Variants in ARRB2 observed in about 807,000 individuals in gnomAD.
The protein encoded by ARRB2 is beta-arrestin-2.
ARRB2 carries 21 observed loss-of-function variants against 53.4 expected under a neutral mutation model. The ratio of observed to expected loss-of-function variants is 0.39; its 90% CI spans 0.28 to 0.57. The LOEUF is 0.57. ARRB2 is among the 20% of genes least tolerant of loss of function. The pLI is 0.55. For synonymous variants in ARRB2, 180 were observed against 212.9 expected (o/e 0.85, Z 1.34); for missense variants, 369 against 527.5 (o/e 0.70, Z 2.94).
At position 4,717,342 on chromosome 17, in the gene ARRB2, A is replaced by C; in HGVS notation, c.417+66A>C. 1 of 1,573,542 alleles carries C rather than the reference A, an allele frequency of 6.4e-7. No homozygotes were observed. The highest frequency in any genetic ancestry group is 8.7e-7 in the Non-Finnish European group (1 of 1,143,484). ...TGGGCCAGCAGGAGCCTGGAGGCAC[A>C]GCTGAGCCAGAGGGTGAACTGTCGA... On this transcript the variant is annotated intron_variant, in intron 6 of 14. Coordinates refer to ENST00000269260, the MANE Select transcript of ARRB2 (RefSeq NM_004313.4). This position sits in a 1 kb window ranked among gnomAD's most constrained non-coding sequence, Gnocchi z 6.0.
Position 4,720,393 on chromosome 17 carries a change from G to C in ARRB2, c.1002G>C (p.Gly334=). The change falls in exon 13 of 15, where the codon GGG becomes GGC. Residue 334 remains glycine, a splice_region_variant and synonymous_variant. Transcript: ENST00000269260. ...TCACGATGCCTCTCCCCTTCCCCAG[G>C]GATGTCTCTGTGGAGCTGCCTTTTG... is the stretch of plus-strand genomic sequence containing the variant. ...VKVKLVVSRG[G]DVSVELPFVL... is the part of the protein sequence containing the mutation. 1 of 1,613,678 alleles carries C rather than the reference G, an allele frequency of 6.2e-7. No homozygotes were observed. The highest frequency in any genetic ancestry group is 8.5e-7 in the Non-Finnish European group (1 of 1,179,864).
rs1914984389 is a variant in ARRB2, at chr17:4,715,988, G to C, written c.70G>C (p.Gly24Arg). Residue 24 changes from glycine (G) to arginine (R), a missense_variant, in exon 3 of 15, where the codon GGC becomes CGC. Gly to Arg is a moderately radical substitution (Grantham distance 125). Coordinates refer to ENST00000269260, the MANE Select transcript of ARRB2 (RefSeq NM_004313.4). ...ACATCCTCAGCTCACCGTGTACTTG[G>C]GCAAGCGGGACTTCGTAGATCACCT... ...SPNCKLTVYL[G>R]KRDFVDHLDK... The C allele has an allele frequency of 6.2e-7, 1 of 1,614,066 alleles. No homozygotes were observed. The highest frequency in any genetic ancestry group is 1.3e-5 in the African/African-American group (1 of 74,922).
At chr17:4,715,486 G>GACACACAC (rs751919519) in intron 2 of ARRB2, 9,840 of 133,402 alleles carry the variant, frequency 0.074, 576 homozygotes, top group Non-Finnish European at 0.1. Context: ...CACACACACA[G>GACACACAC]ACACACACAC....
In ARRB2 at chr17:4,715,180, G is replaced by A. The variant is rs143980966; in HGVS notation, c.54+137G>A. ...CCACTTCCTGTGACAGCTAAGCGCC[G>A]ACTTCCTTCCCTCCTGAAGCCCCTT... On this transcript the variant is annotated intron_variant, in intron 2 of 14. Coordinates refer to ENST00000269260, the MANE Select transcript of ARRB2 (RefSeq NM_004313.4). The A allele has an allele frequency of 5.8e-4, 587 of 1,020,752 alleles. 3 individuals are homozygous for A. The African/African-American group carries it at 8.5e-3, about 15-fold the overall frequency. 63.2% of individuals were successfully genotyped at this position (1,020,752 alleles called of 1,614,324 possible). A position where few individuals can be genotyped will look rare whatever the true frequency, so the allele number is the denominator to read the frequency against.
chr17:4,719,496 A>AG, intron 11 of ARRB2, 76 bp downstream of exon 11: 2 of 1,560,196 alleles, frequency 1.3e-6, no homozygotes, highest in South Asian at 2.4e-5. Context: ...CTAGTGTGCC[A>AG]GGGATGTATC....
intron 5 of ARRB2, 142 bp downstream of exon 5, chr17:4,716,750 G>A: frequency 7.1e-7 from 1 of 1,413,478 alleles, no homozygotes; most frequent in Non-Finnish European, 9.3e-7. Context: ...GGGTCCCAGT[G>A]CATTCAGGAA....
chr17:4,716,061 G>A (rs567769531), intron 3 of ARRB2, 28 bp downstream of exon 3: 15 of 1,614,136 alleles, frequency 9.3e-6, no homozygotes, highest in African/African-American at 4.0e-5. Flanking sequence ...GGGACAGCTC[G>A]TTCCCCAAGA....
rs746479111 is a variant in ARRB2, at chr17:4,715,059, A to G, written c.54+16A>G. On this transcript the variant is annotated intron_variant, in intron 2 of 14. Transcript: ENST00000269260. The stretch of plus-strand genomic sequence containing the variant: ...TAACTGCAAGGTGAGTCTCCACAGC[A>G]CTTACCCTTTTGACCCTCCCTGGGC... 6 of 1,604,714 alleles carry G rather than the reference A, an allele frequency of 3.7e-6. No individual in the cohort carries two copies. In the East Asian group the frequency reaches 1.1e-4, roughly 30 times the overall value.
At chr17:4,716,896 A>C (rs1297536000) in intron 5 of ARRB2, 13 of 623,230 alleles carry the variant, frequency 2.1e-5, no homozygotes, top group Non-Finnish European at 8.3e-6. Context: ...GTGCAGTGGC[A>C]CAATCTTGGT....
rs35741745 is a variant in ARRB2, at chr17:4,717,602, A to G, written c.418-83A>G. The stretch of plus-strand genomic sequence containing the variant: ...ACAATGAGGCAAGAGTCCCTGCCCG[A>G]GAGGAGGGAAGGGGGAGGAAGAAAG... On this transcript the variant is annotated intron_variant, in intron 6 of 14. Transcript: ENST00000269260. The surrounding 1 kb of genome is among the most constrained non-coding windows in gnomAD (Gnocchi z 6.0). 0.21 allele frequency: 319,619 copies of G among 1,554,282 alleles called. 36,611 individuals are homozygous for G. The highest frequency in any genetic ancestry group is 0.24 in the Non-Finnish European group (271,960 of 1,128,344).
chr17:4,719,417 C>A lies in ARRB2; in HGVS notation c.914C>A (p.Thr305Asn). ...KHEDTNLASS[T>N]IVKEGANKEV... ...GAGGACACCAACCTGGCTTCCAGCA[C>A]CATGTGAGGGTGGGGCTGGGGCGGG... The change falls in exon 11 of 15, where the codon ACC becomes AAC. Residue 305 changes from threonine (T) to asparagine (N), a missense_variant. Thr to Asn is a moderately conservative substitution (Grantham distance 65). Transcript: ENST00000269260. The A allele has an allele frequency of 6.2e-7, 1 of 1,613,768 alleles. No individual in the cohort carries two copies. The highest frequency in any genetic ancestry group is 8.5e-7 in the Non-Finnish European group (1 of 1,179,766).
rs746331162 is a variant in ARRB2, at chr17:4,718,646, C to T, written c.741C>T (p.Thr247=). 7 of 1,613,866 alleles carry T rather than the reference C, an allele frequency of 4.3e-6. No individual in the cohort carries two copies. Among genetic ancestry groups the T allele is most frequent in the South Asian group, 3.3e-5 (3 of 91,082 alleles). The stretch of plus-strand genomic sequence containing the variant: ...ACGCCGACATCTGCCTCTTCAGCAC[C>T]GCCCAGTACAAGTGTCCTGTGGCTC... ...RQYADICLFS[T]AQYKCPVAQL... The change falls in exon 10 of 15, where the codon ACC becomes ACT. Residue 247 remains threonine, a synonymous_variant. Transcript: ENST00000269260.
rs767592053 is a variant in ARRB2, at chr17:4,718,003, G to A, written c.601G>A (p.Glu201Lys). 3.7e-6 allele frequency: 6 copies of A among 1,613,470 alleles called. No homozygotes were observed. Among genetic ancestry groups the A allele is most frequent in the South Asian group, 2.2e-5 (2 of 91,078 alleles). ...CATGTCTGACCGGTCCCTGCACCTC[G>A]AGGCTTCCCTGGACAAGGAGGTGGG... The part of the protein sequence containing the change: ...FLMSDRSLHL[E>K]ASLDKELYYH... Residue 201 changes from glutamate (E) to lysine (K), a missense_variant, in exon 8 of 15, where the codon GAG becomes AAG. Transcript: ENST00000269260.
At chr17:4,720,873 G>A in intron 14 of ARRB2, 73 bp from the exon 15 acceptor site, 1 of 1,482,600 alleles carries the variant, frequency 6.7e-7, no homozygotes. Context: ...CTAGCTTCGG[G>A]GAGGGCAGGG....
At position 4,717,654 on chromosome 17, in the gene ARRB2, G is replaced by A. The variant is rs1211159326; in HGVS notation, c.418-31G>A. ...GCAGTGATGGTGGCGGGAGCCTCCG[G>A]TAAGATGTGGCCTTTTCTCCCCTCC... On this transcript the variant is annotated intron_variant, in intron 6 of 14. Transcript: ENST00000269260. The surrounding 1 kb of genome is among the most constrained non-coding windows in gnomAD (Gnocchi z 6.0). 2.5e-6 allele frequency: 4 copies of A among 1,613,704 alleles called. No individual in the cohort carries two copies. In the African/African-American group the frequency reaches 5.3e-5, roughly 22 times the overall value.
chr17:4,715,279 AGAG>A, intron 2 of ARRB2: 1 of 549,584 alleles, frequency 1.8e-6, no homozygotes, highest in East Asian at 3.1e-5. Flanking sequence ...GCAAGACCAC[AGAG>A]GAGGAGGCCA....
At chr17:4,720,532 G>C in intron 13 of ARRB2, 54 bp from the exon 14 acceptor site, 1 of 1,582,170 alleles carries the variant, frequency 6.3e-7, no homozygotes, top group Non-Finnish European at 8.6e-7. Flanking sequence ...GCCAGTGGAG[G>C]AAAACTGGCC....
At chr17:4,715,073 C>A in intron 2 of ARRB2, 30 bp downstream of exon 2, 1 of 1,600,124 alleles carries the variant, frequency 6.2e-7, no homozygotes, top group African/African-American at 1.3e-5. Context: ...ACCCTTTTGA[C>A]CCTCCCTGGG....
At chr17:4,713,039 A>C (rs1914585925) in intron 1 of ARRB2, among the ~76,000 whole-genome samples, 1 of 152,168 alleles carries the variant, frequency 6.6e-6, no homozygotes, top group Admixed American at 6.5e-5. Flanking sequence ...CCCAGGCTGG[A>C]GTGCAGTGGC....
Sources: allele counts gnomAD v4.1 joint callset (sites outside exome capture counted in the v4.1 genomes callset), GRCh38; gene constraint gnomAD v4.1.1; non-coding constraint Gnocchi (gnomAD v3.1); transcripts MANE v1.5; gene names NCBI Gene and HGNC (gene_info 2026-07-23, HGNC 2026-07-21).